DNAH8: variants seen among roughly 807,000 people sequenced by gnomAD.
The protein encoded by DNAH8 is axonemal beta dynein heavy chain 8.
A neutral mutation model predicts 562.1 loss-of-function variants in DNAH8; 382 were observed. The observed-to-expected ratio is 0.68, with a 90% CI of 0.63 to 0.74. The LOEUF is 0.74. DNAH8 is among the 30% of genes least tolerant of loss of function. The pLI is 0.00. For missense variants in DNAH8, 5,203 were observed against 5,620.4 expected (o/e 0.93, Z 2.37); for synonymous variants, 1,881 against 1,919.4 (o/e 0.98, Z 0.52).
At chr6:38,920,907 T>C (rs983625242) in intron 70 of DNAH8, among the ~76,000 whole-genome samples, 1 of 152,110 alleles carries the variant, frequency 6.6e-6, no homozygotes, top group Non-Finnish European at 1.5e-5. Flanking sequence ...AAAAATTTTT[T>C]TGAGACAGGG....
chr6:38,906,282 G>A lies in DNAH8; in HGVS notation c.9223G>A (p.Asp3075Asn), dbSNP rs773209277. Residue 3075 changes from aspartate (D) to asparagine (N), a missense_variant, in exon 63 of 93, where the codon GAT (aspartate) becomes AAT (asparagine). Physicochemically the swap from Asp to Asn is conservative, Grantham distance 23. This residue lies in a region of DNAH8 where 977 missense variants were observed against 1,061.8 expected (regional missense o/e 0.92). Coordinates refer to ENST00000327475, the MANE Select transcript of DNAH8 (RefSeq NM_001206927.2). Reference protein sequence around the residue: ...RSYNVTNLTDDLKALYKVAGA... With the variant: ...RSYNVTNLTDNLKALYKVAGA... ...TTACAATGTGACTAATCTAACAGAT[G>A]ATTTAAAAGCTTTGTACAAAGTTGC... 91 of 1,600,252 alleles carry A rather than the reference G, an allele frequency of 5.7e-5. No homozygotes were observed. The highest frequency in any genetic ancestry group is 1.7e-4 in the Admixed American group (10 of 58,832).
intron 32 of DNAH8, among the ~76,000 whole-genome samples, chr6:38,835,114 G>A (rs1405012415): frequency 6.6e-6 from 1 of 151,884 alleles, no homozygotes; most frequent in Non-Finnish European, 1.5e-5. Context: ...TTCTACACTC[G>A]GATTGCTGAG....
intron 10 of DNAH8, among the ~76,000 whole-genome samples, chr6:38,760,833 G>A (rs770474478): frequency 3.7e-4 from 57 of 152,064 alleles, no homozygotes; most frequent in Admixed American, 7.9e-4. Context: ...TCCTGGGGTC[G>A]TCATCAGAAG....
intron 91 of DNAH8, among the ~76,000 whole-genome samples, chr6:39,018,654 G>A (rs1264092913): frequency 6.6e-6 from 1 of 152,180 alleles, no homozygotes; most frequent in Non-Finnish European, 1.5e-5. Flanking sequence ...TCTGTGCCAG[G>A]ATTCTGCTGA....
At chr6:38,957,333 T>C (rs1234943192) in intron 82 of DNAH8, among the ~76,000 whole-genome samples, 1 of 148,730 alleles carries the variant, frequency 6.7e-6, no homozygotes, top group Admixed American at 6.7e-5. Context: ...TTAATAAAAA[T>C]GTAAATATTA....
At chr6:38,887,122 G>C in intron 57 of DNAH8, 118 bp downstream of exon 57, 2 of 677,834 alleles carry the variant, frequency 3.0e-6, no homozygotes, top group East Asian at 2.7e-5. Context: ...GTGAAATGGA[G>C]AGCTAAACAC....
chr6:38,979,374 T>C (rs1763889263), intron 85 of DNAH8, among the ~76,000 whole-genome samples: 1 of 152,244 alleles, frequency 6.6e-6, no homozygotes, highest in South Asian at 2.1e-4. Context: ...CATCCCATGG[T>C]TTCAAAAATG....
At chr6:38,734,760 A>C (rs2127578849) in intron 5 of DNAH8, 135 bp downstream of exon 5, 1 of 991,928 alleles carries the variant, frequency 1.0e-6, no homozygotes, top group African/African-American at 1.6e-5. Context: ...GTATTCATAT[A>C]TTAAAAAAAA....
At position 38,723,394 on chromosome 6, in the gene DNAH8, T is replaced by C. The variant is rs1762941270; in HGVS notation, c.448T>C (p.Tyr150His). 3 of 1,612,344 alleles carry C rather than the reference T, an allele frequency of 1.9e-6. No homozygotes were observed. The highest frequency in any genetic ancestry group is 2.2e-5 in the South Asian group (2 of 90,870). ...ACTGAAAATTGACCCTTCATACAAA[T>C]ATATATTTGAAATTCTAGCAGAAAA... is the stretch of plus-strand genomic sequence containing the variant. ...RRLKIDPSYKYIFEILAENLG... is the reference protein window; with the variant it reads ...RRLKIDPSYKHIFEILAENLG... The change falls in exon 3 of 93, where the codon TAT (tyrosine) becomes CAT (histidine). Residue 150 changes from tyrosine (Y) to histidine (H), a missense_variant. Tyr to His is a moderately conservative substitution (Grantham distance 83, BLOSUM62 2). Transcript: ENST00000327475.
At chr6:38,998,579 A>G (rs1172534130) in intron 88 of DNAH8, among the ~76,000 whole-genome samples, 3 of 152,202 alleles carry the variant, frequency 2.0e-5, no homozygotes, top group African/African-American at 7.2e-5. Context: ...TGAAAAATTT[A>G]TGCTCATTGA....
At chr6:38,937,059 A>G (rs1453239992) in intron 77 of DNAH8, among the ~76,000 whole-genome samples, 2 of 152,230 alleles carry the variant, frequency 1.3e-5, no homozygotes, top group Non-Finnish European at 2.9e-5. Flanking sequence ...TTGCAGGGAC[A>G]TGGATGAAAC....
At position 39,008,694 on chromosome 6, in the gene DNAH8, T is replaced by TTC. The variant is rs1491089564; in HGVS notation, c.13215-119_13215-118insCT. 39 of 229,730 alleles carry TTC rather than the reference T, an allele frequency of 1.7e-4. 1 individual carries two copies. Among genetic ancestry groups the TTC allele is most frequent in the Admixed American group, 1.0e-3 (6 of 5,918 alleles). The allele number at this position is 229,730 out of a possible 1,614,324, so 14.2% of individuals were successfully genotyped here. A position where few individuals can be genotyped will look rare whatever the true frequency, so the allele number is the denominator to read the frequency against. On this transcript the variant is annotated intron_variant, in intron 88 of 92. Coordinates refer to ENST00000327475, the MANE Select transcript of DNAH8 (RefSeq NM_001206927.2). The stretch of plus-strand genomic sequence containing the variant: ...GGTTGATGGTAGTTAACTTTTCTTC[T>TTC]TTTTTTTTTTTTTGTAGCTTGCTTT...
At chr6:38,841,361 G>A (rs1774771755) in intron 33 of DNAH8, among the ~76,000 whole-genome samples, 1 of 152,172 alleles carries the variant, frequency 6.6e-6, no homozygotes, top group Admixed American at 6.5e-5. Context: ...AGAGGTTATG[G>A]TGAGCCGAGA....
At chr6:39,023,917 C>T (rs1457703453) in intron 91 of DNAH8, among the ~76,000 whole-genome samples, 1 of 152,242 alleles carries the variant, frequency 6.6e-6, no homozygotes, top group African/African-American at 2.4e-5. Flanking sequence ...CTAGAGTTCA[C>T]CTCCTGGCAT....
intron 13 of DNAH8, 70 bp downstream of exon 13, chr6:38,776,021 G>A (rs761039450): frequency 2.1e-6 from 2 of 943,076 alleles, no homozygotes; most frequent in Non-Finnish European, 3.3e-6. Flanking sequence ...GGTACTTTTT[G>A]TAAATATTCA....
At chr6:38,850,919 A>C (rs568340119) in intron 38 of DNAH8, among the ~76,000 whole-genome samples, 1 of 152,280 alleles carries the variant, frequency 6.6e-6, no homozygotes, top group South Asian at 2.1e-4. Context: ...CTCCCTCTGC[A>C]AAAGCCCTTT....
Position 38,845,552 on chromosome 6 carries a change from A to G in DNAH8, c.4846-22A>G, listed in dbSNP as rs373330858. 2.2e-4 allele frequency: 356 copies of G among 1,594,978 alleles called. 1 individual carries two copies. In the Middle Eastern group the frequency reaches 3.5e-3, roughly 16 times the overall value. ...TTTGTAGTTGAAAACATCATGACATATACTTTGCTTTTCCTTCAAAGGATA... is the reference window on the plus strand; with the variant it reads ...TTTGTAGTTGAAAACATCATGACATGTACTTTGCTTTTCCTTCAAAGGATA... On this transcript the variant is annotated intron_variant, in intron 35 of 92. Transcript: ENST00000327475.
intron 44 of DNAH8, among the ~76,000 whole-genome samples, 164 bp downstream of exon 44, chr6:38,862,622 A>G (rs1345492999): frequency 1.3e-5 from 2 of 152,208 alleles, no homozygotes; most frequent in African/African-American, 4.8e-5. Flanking sequence ...ATGGCTGGAT[A>G]TCAACAGTTT....
chr6:38,929,696 A>G, intron 75 of DNAH8, 30 bp downstream of exon 75: 1 of 1,487,296 alleles, frequency 6.7e-7, no homozygotes, highest in Non-Finnish European at 8.9e-7. Context: ...AAAAAAAGAA[A>G]GAAAGAAAGA....
Sources: allele counts gnomAD v4.1 joint callset (sites outside exome capture counted in the v4.1 genomes callset), GRCh38; gene constraint gnomAD v4.1.1; regional missense constraint gnomAD v4.1.1; transcripts MANE v1.5; gene names NCBI Gene and HGNC (gene_info 2026-07-23, HGNC 2026-07-21).